The following TPCN1 variants were observed in gnomAD, a reference collection of about 807,000 sequenced individuals.
The protein encoded by TPCN1 is two pore segment channel 1, also known as two pore channel protein 1.
Under a neutral mutation model 108.8 loss-of-function variants are expected in TPCN1, and 52 were observed. That is an observed-to-expected ratio of 0.48 (90% CI 0.38 to 0.60). The LOEUF is 0.60. Ranked by LOEUF, TPCN1 falls within the 20% of genes least tolerant of loss-of-function variation. The pLI, the probability that TPCN1 is intolerant of heterozygous loss-of-function variation, is 0.00. For synonymous variants in TPCN1, 446 were observed against 433.7 expected, an observed-to-expected ratio of 1.03 and a Z score of -0.35; for missense variants, 806 against 1,072.8, an observed-to-expected ratio of 0.75 and a Z score of 3.47.
intron 1 of TPCN1, among the ~76,000 whole-genome samples, chr12:113,223,435 C>CTTTTTT (rs1172851714): frequency 0.046 from 5,484 of 119,664 alleles, 131 homozygotes; most frequent in Middle Eastern, 0.069. Context: ...TCTGCTGAGT[C>CTTTTTT]TTTTTTTTTT....
At chr12:113,230,177 T>C (rs917334981) in intron 2 of TPCN1, among the ~76,000 whole-genome samples, 3 of 152,262 alleles carry the variant, frequency 2.0e-5, no homozygotes, top group African/African-American at 7.2e-5. Flanking sequence ...ACTACCCTTT[T>C]CTGCTTCGGT....
At chr12:113,285,513 C>T (rs896777632) in intron 17 of TPCN1, among the ~76,000 whole-genome samples, 1 of 152,184 alleles carries the variant, frequency 6.6e-6, no homozygotes, top group Non-Finnish European at 1.5e-5. Context: ...GCTGGGATTA[C>T]AGGCACACAG....
chr12:113,260,012 C>A (rs1365967816), intron 2 of TPCN1, among the ~76,000 whole-genome samples: 1 of 152,212 alleles, frequency 6.6e-6, no homozygotes, highest in African/African-American at 2.4e-5. Context: ...TTCCTTATAG[C>A]CCTTGTAGGG....
intron 2 of TPCN1, among the ~76,000 whole-genome samples, chr12:113,233,760 T>C (rs1953784319): frequency 6.6e-6 from 1 of 152,104 alleles, no homozygotes; most frequent in Non-Finnish European, 1.5e-5. Context: ...CATTTGGTCC[T>C]CCCTCCCAGC....
chr12:113,293,886 G>A (rs1956349024), intron 27 of TPCN1, among the ~76,000 whole-genome samples: 1 of 152,184 alleles, frequency 6.6e-6, no homozygotes, highest in African/African-American at 2.4e-5. Context: ...CTCCCAGGCT[G>A]GAGTGCAGCA....
intron 2 of TPCN1, among the ~76,000 whole-genome samples, chr12:113,228,905 G>A (rs895676478): frequency 1.3e-5 from 2 of 152,318 alleles, no homozygotes; most frequent in South Asian, 4.1e-4. Flanking sequence ...TGTGGCTTGT[G>A]TCTGGAAATA....
intron 27 of TPCN1, 64 bp downstream of exon 27, chr12:113,293,413 G>C: frequency 1.3e-6 from 2 of 1,489,116 alleles, no homozygotes; most frequent in Admixed American, 3.3e-5. Context: ...GGGGCAGGGA[G>C]CTGCTCTCTG....
At position 113,288,019 on chromosome 12, in the gene TPCN1, G is replaced by T; in HGVS notation, c.1635-144G>T. The T allele has an allele frequency of 1.3e-6, 1 of 752,104 alleles. No individual in the cohort carries two copies. The highest frequency in any genetic ancestry group is 3.9e-4 in the Middle Eastern group (1 of 2,534). The allele number at this position is 752,104 out of a possible 1,614,324, so 46.6% of individuals were successfully genotyped here. ...CTGAGCCCAGCTCAGGGTTGGTGGCGCCCAAGGGAGTGGACGCAGGTGGAG... is the reference window on the plus strand; with the variant it reads ...CTGAGCCCAGCTCAGGGTTGGTGGCTCCCAAGGGAGTGGACGCAGGTGGAG... On this transcript the variant is annotated intron_variant, in intron 19 of 27. Coordinates refer to ENST00000335509, the MANE Select transcript of TPCN1 (RefSeq NM_017901.6). The surrounding 1 kb of genome is among the most constrained non-coding windows in gnomAD (Gnocchi z 4.8).
chr12:113,257,940 T>G (rs1379188100), intron 2 of TPCN1, among the ~76,000 whole-genome samples: 3 of 152,166 alleles, frequency 2.0e-5, no homozygotes, highest in Non-Finnish European at 4.4e-5. Flanking sequence ...ATACATCATG[T>G]AAATATATAT....
intron 2 of TPCN1, among the ~76,000 whole-genome samples, chr12:113,243,785 T>TAA (rs1243245222): frequency 6.6e-6 from 1 of 151,868 alleles, no homozygotes; most frequent in Non-Finnish European, 1.5e-5. Context: ...AAAAATAAAA[T>TAA]AAAAAAAGTT....
chr12:113,245,898 T>C (rs1366807287), intron 2 of TPCN1: 1 of 453,518 alleles, frequency 2.2e-6, no homozygotes. Context: ...TTTCTATTTA[T>C]CTGGCACCAC....
chr12:113,237,611 G>A (rs562498733), intron 2 of TPCN1, among the ~76,000 whole-genome samples: 8 of 152,046 alleles, frequency 5.3e-5, no homozygotes, highest in Non-Finnish European at 7.4e-5. Context: ...TGCCCACCTC[G>A]GCCTCCCAAG....
At position 113,227,062 on chromosome 12, in the gene TPCN1, T is replaced by C. The variant is rs868037571; in HGVS notation, c.112+98T>C. 2.5e-5 allele frequency: 25 copies of C among 1,003,544 alleles called. No individual in the cohort carries two copies. In the Middle Eastern group the frequency reaches 9.8e-4, roughly 39 times the overall value. The allele number at this position is 1,003,544 out of a possible 1,614,324, so 62.2% of individuals were successfully genotyped here. On this transcript the variant is annotated intron_variant, in intron 2 of 27. Transcript: ENST00000335509. ...TGGTCTGATAGTAGGGGTGTGTAAC[T>C]TGTTGCCTGGCCCCACATTTGAGCC...
chr12:113,262,981 A>C (rs942081781), intron 3 of TPCN1, among the ~76,000 whole-genome samples: 1 of 152,304 alleles, frequency 6.6e-6, no homozygotes, highest in South Asian at 2.1e-4. Flanking sequence ...AAAATGGGCC[A>C]TGTACTTGTG....
chr12:113,273,577 A>G lies in TPCN1; in HGVS notation c.851A>G (p.Asp284Gly). The G allele has an allele frequency of 6.2e-7, 1 of 1,613,976 alleles. No homozygotes were observed. The highest frequency in any genetic ancestry group is 8.5e-7 in the Non-Finnish European group (1 of 1,179,876). ...ACCCTCTGCAAATACAGTTTCCCAG[A>G]TGTGATGATGCCCTCCTACTCCCGG... Reference protein sequence around the residue: ...FVLLTTANFPDVMMPSYSRNP... With the variant: ...FVLLTTANFPGVMMPSYSRNP... The change falls in exon 10 of 28, where the codon GAT becomes GGT. Residue 284 changes from aspartate (D) to glycine (G), a missense_variant. Coordinates refer to ENST00000335509, the MANE Select transcript of TPCN1 (RefSeq NM_017901.6). The surrounding 1 kb of genome is among the most constrained non-coding windows in gnomAD (Gnocchi z 4.0).
At chr12:113,224,343 T>C (rs1953389173) in intron 1 of TPCN1, among the ~76,000 whole-genome samples, 1 of 152,240 alleles carries the variant, frequency 6.6e-6, no homozygotes, top group Admixed American at 6.5e-5. Flanking sequence ...CTTTTACTTA[T>C]GAAGTGCTAG....
At chr12:113,291,738 G>A in intron 24 of TPCN1, 61 bp downstream of exon 24, 1 of 1,590,376 alleles carries the variant, frequency 6.3e-7, no homozygotes, top group Non-Finnish European at 8.6e-7. Context: ...AGCTGCCCCT[G>A]CTCTTCAGCC....
At position 113,221,600 on chromosome 12, in the gene TPCN1, G is replaced by C. The variant is rs1234934825; in HGVS notation, c.-152G>C. ...GGCTGCGCGGTGCGGACCCCGGCGC[G>C]CGGTCCGGGTTGCTGGGGCGGCGCG... On this transcript the variant is annotated 5_prime_UTR_variant, in exon 1 of 28. Transcript: ENST00000335509. The C allele has an allele frequency of 1.1e-5, 2 of 184,648 alleles. No individual in the cohort carries two copies. Among genetic ancestry groups the C allele is most frequent in the African/African-American group, 4.8e-5 (2 of 41,698 alleles). 11.4% of individuals were successfully genotyped at this position (184,648 alleles called of 1,614,324 possible). A position where few individuals can be genotyped will look rare whatever the true frequency, so the allele number is the denominator to read the frequency against.
rs748121099 is a variant in TPCN1 at position 113,232,419 on chromosome 12, G to T, written c.112+5455G>T. Among the ~76,000 whole-genome samples, 1 of 152,260 alleles carries T rather than the reference G, an allele frequency of 6.6e-6. No individual in the cohort carries two copies. The highest frequency in any genetic ancestry group is 1.5e-5 in the Non-Finnish European group (1 of 68,048). On this transcript the variant is annotated intron_variant, in intron 2 of 27. Transcript: ENST00000335509. The surrounding 1 kb of genome is among the most constrained non-coding windows in gnomAD (Gnocchi z 5.6). Reference sequence around the variant, plus strand: ...GGCCAGAGCTGTTGGCCGCAGGGCCGCCGTAGCCAGGAGGAGTTGGGAGAG... The same window carrying T: ...GGCCAGAGCTGTTGGCCGCAGGGCCTCCGTAGCCAGGAGGAGTTGGGAGAG...
Sources: gnomAD v4.1 joint callset for allele counts (sites outside exome capture counted in the v4.1 genomes callset) on GRCh38, gnomAD v4.1.1 for gene constraint, Gnocchi (gnomAD v3.1) non-coding constraint, MANE v1.5 for transcripts, NCBI Gene and HGNC (gene_info 2026-07-23, HGNC 2026-07-21) for gene names.